Variants in TRPM3 observed in about 807,000 individuals in gnomAD.
TRPM3 encodes the protein long transient receptor potential channel 3.
Under a neutral mutation model 181.2 loss-of-function variants are expected in TRPM3, and 77 were observed. The ratio of observed to expected loss-of-function variants is 0.42; its 90% CI spans 0.35 to 0.51. TRPM3 has a LOEUF of 0.51. Among genes scored for constraint, TRPM3 ranks in the 20% least tolerant of loss-of-function variants. The pLI is 0.01. For missense variants in TRPM3, 1,759 were observed against 2,196.7 expected, an observed-to-expected ratio of 0.80 and a Z score of 3.98; for synonymous variants, 745 against 796.4, an observed-to-expected ratio of 0.94 and a Z score of 1.09.
At chr9:70,656,455 A>G (rs2060349046) in intron 9 of TRPM3, among the ~76,000 whole-genome samples, 1 of 152,258 alleles carries the variant, frequency 6.6e-6, no homozygotes, top group Non-Finnish European at 1.5e-5. Flanking sequence ...AAGCTAAACT[A>G]TAACTTCCTT....
At chr9:70,682,502 C>T (rs1468985773) in intron 8 of TRPM3, among the ~76,000 whole-genome samples, 1 of 152,020 alleles carries the variant, frequency 6.6e-6, no homozygotes, top group South Asian at 2.1e-4. Flanking sequence ...TGGTGGAGTA[C>T]ATCTGACTTT....
At chr9:70,611,416 C>CTGA (rs1306830580) in intron 18 of TRPM3, among the ~76,000 whole-genome samples, 3 of 152,104 alleles carry the variant, frequency 2.0e-5, no homozygotes, top group Non-Finnish European at 2.9e-5. Flanking sequence ...CTCATGAGAA[C>CTGA]TGATGGTTTT....
intron 1 of TRPM3, among the ~76,000 whole-genome samples, chr9:71,089,611 A>C (rs2065873047): frequency 6.6e-6 from 1 of 152,130 alleles, no homozygotes; most frequent in Non-Finnish European, 1.5e-5. Flanking sequence ...ATTATGTGAT[A>C]AATATCACAG....
chr9:71,120,186 C>T (rs1024705489), intron 1 of TRPM3, among the ~76,000 whole-genome samples: 3 of 152,166 alleles, frequency 2.0e-5, no homozygotes, highest in Non-Finnish European at 4.4e-5. Flanking sequence ...CCACTGGACT[C>T]AATGCTCTGT....
intron 1 of TRPM3, among the ~76,000 whole-genome samples, chr9:71,192,656 C>T (rs751498942): frequency 1.3e-5 from 2 of 151,782 alleles, no homozygotes; most frequent in Non-Finnish European, 2.9e-5. Flanking sequence ...TGAATATTAA[C>T]CCCTTATCAG....
At chr9:71,372,300 T>C (rs1326342401) in intron 1 of TRPM3, among the ~76,000 whole-genome samples, 1 of 152,150 alleles carries the variant, frequency 6.6e-6, no homozygotes, top group Admixed American at 6.6e-5. Flanking sequence ...AACATACGCA[T>C]CCATATATCT....
intron 1 of TRPM3, among the ~76,000 whole-genome samples, chr9:71,201,369 G>A (rs559550501): frequency 1.3e-5 from 2 of 151,922 alleles, no homozygotes; most frequent in Admixed American, 6.6e-5. Context: ...TGTTCTTCTC[G>A]AGGAGTATCT....
At chr9:70,934,193 T>G (rs768704366) in intron 1 of TRPM3, among the ~76,000 whole-genome samples, 1 of 152,206 alleles carries the variant, frequency 6.6e-6, no homozygotes, top group Non-Finnish European at 1.5e-5. Flanking sequence ...AGTGGCCATC[T>G]ACATCATGTT....
intron 1 of TRPM3, among the ~76,000 whole-genome samples, chr9:71,067,375 T>C (rs2062066287): frequency 1.3e-5 from 2 of 152,190 alleles, no homozygotes; most frequent in Admixed American, 1.3e-4. Context: ...CTTTTGTCAT[T>C]GAAAAACATA....
intron 1 of TRPM3, among the ~76,000 whole-genome samples, chr9:71,147,022 GGGGCTAGCC>G (rs2075447696): frequency 6.6e-6 from 1 of 152,114 alleles, no homozygotes; most frequent in African/African-American, 2.4e-5. Context: ...AAACCAAGTA[GGGGCTAGCC>G]GAACTGAAAG....
chr9:71,123,016 A>G (rs1347147498), upstream of TRPM3, among the ~76,000 whole-genome samples: 1 of 152,190 alleles, frequency 6.6e-6, no homozygotes, highest in Non-Finnish European at 1.5e-5. Flanking sequence ...CTTATGGAGT[A>G]GGTGTTATGG....
chr9:71,279,217 G>A (rs979653441), intron 1 of TRPM3, among the ~76,000 whole-genome samples: 9 of 151,986 alleles, frequency 5.9e-5, no homozygotes, highest in African/African-American at 1.7e-4. Flanking sequence ...CCCAAAATGC[G>A]TACACAGACA....
At chr9:71,032,629 C>T (rs974201690) in intron 1 of TRPM3, among the ~76,000 whole-genome samples, 2 of 152,098 alleles carry the variant, frequency 1.3e-5, no homozygotes, top group African/African-American at 2.4e-5. Flanking sequence ...AAACACACAT[C>T]TAAGTTTTAA....
chr9:71,037,660 A>G (rs1157778862), intron 1 of TRPM3, among the ~76,000 whole-genome samples: 1 of 152,192 alleles, frequency 6.6e-6, no homozygotes, highest in Non-Finnish European at 1.5e-5. Flanking sequence ...GGTTCACTTC[A>G]CTTCTTGGCT....
chr9:71,408,689 C>T (rs934600334), intron 1 of TRPM3, among the ~76,000 whole-genome samples: 2 of 152,124 alleles, frequency 1.3e-5, no homozygotes, highest in Non-Finnish European at 2.9e-5. Context: ...TGCAGGATAT[C>T]ATCCAGGAGA....
At chr9:71,205,034 AGGGGAACATCACACAACAG>A (rs1486023051) in intron 1 of TRPM3, among the ~76,000 whole-genome samples, 1 of 151,892 alleles carries the variant, frequency 6.6e-6, no homozygotes, top group Non-Finnish European at 1.5e-5. Context: ...GGACACAGGA[AGGGGAACATCACACAACAG>A]GGCCTGTTGT....
At chr9:71,184,967 A>G (rs766069487) in intron 1 of TRPM3, among the ~76,000 whole-genome samples, 66 of 152,270 alleles carry the variant, frequency 4.3e-4, no homozygotes, top group Non-Finnish European at 8.2e-4. Flanking sequence ...ACACAAATAC[A>G]CAAATTAGAG....
At chr9:71,340,257 T>C (rs1416405050) in intron 1 of TRPM3, among the ~76,000 whole-genome samples, 1 of 152,164 alleles carries the variant, frequency 6.6e-6, no homozygotes, top group Non-Finnish European at 1.5e-5. Context: ...CCAGTAGTGC[T>C]GGGCTGGAGT....
chr9:70,943,137 G>A (rs544140380), intron 1 of TRPM3, among the ~76,000 whole-genome samples: 3 of 152,202 alleles, frequency 2.0e-5, no homozygotes, highest in Admixed American at 2.0e-4. Context: ...TAGGAATAAT[G>A]CCCACATCTA....
Sources: gnomAD v4.1 joint callset for allele counts (sites outside exome capture counted in the v4.1 genomes callset) on GRCh38, gnomAD v4.1.1 for gene constraint, MANE v1.5 for transcripts, NCBI Gene and HGNC (gene_info 2026-07-23, HGNC 2026-07-21) for gene names.